The following SLC41A2 variants were observed in gnomAD, a reference collection of about 807,000 sequenced individuals.
SLC41A2 encodes the protein solute carrier family 41 member 2, also known as SLC41A1-like 1.
In SLC41A2, 32 loss-of-function variants were observed where a neutral mutation model predicts 58.3. That is an observed-to-expected ratio of 0.55 (90% CI 0.41 to 0.74). SLC41A2 has a LOEUF of 0.74. Ranked by LOEUF, SLC41A2 falls within the 30% of genes least tolerant of loss-of-function variation. The probability of loss-of-function intolerance (pLI) is 0.00; values close to 1 mark genes in which losing one functional copy is unlikely to be tolerated. For missense variants in SLC41A2, 514 were observed against 680.6 expected (o/e 0.76, Z 2.72); for synonymous variants, 190 against 235.0 (o/e 0.81, Z 1.75).
At chr12:104,932,550 G>C (rs1346015625) in intron 1 of SLC41A2, among the ~76,000 whole-genome samples, 3 of 150,284 alleles carry the variant, frequency 2.0e-5, no homozygotes, top group African/African-American at 7.4e-5. Flanking sequence ...ACTGGAGCCT[G>C]GGAGGTCAAG....
rs1593128936 is a variant in SLC41A2, at chr12:104,913,496, C to A, written c.556-3734G>T. ...CCAGTGATCACAGAGTGGTTCTGGC[C>A]AGTCTACATGGGACTCATGAAGGGG... On this transcript the variant is annotated intron_variant, in intron 2 of 10. Coordinates refer to ENST00000258538, the MANE Select transcript of SLC41A2 (RefSeq NM_001352171.3). Among the ~76,000 whole-genome samples, 4 of 152,308 alleles carry A rather than the reference C, an allele frequency of 2.6e-5. 1 individual carries two copies. The highest frequency in any genetic ancestry group is 2.6e-4 in the Admixed American group (4 of 15,308).
At chr12:104,814,882 T>G (rs906573738) in intron 10 of SLC41A2, among the ~76,000 whole-genome samples, 5 of 152,258 alleles carry the variant, frequency 3.3e-5, no homozygotes, top group African/African-American at 1.2e-4. Context: ...CTCTGATCCC[T>G]CAGTCTTTAA....
chr12:104,933,923 G>C (rs1277818621), intron 1 of SLC41A2, among the ~76,000 whole-genome samples: 1 of 152,016 alleles, frequency 6.6e-6, no homozygotes, highest in Admixed American at 6.6e-5. Flanking sequence ...CTCAGAAAGG[G>C]GGAGGGTGGG....
At chr12:104,849,093 G>A (rs2042710941) in intron 8 of SLC41A2, among the ~76,000 whole-genome samples, 1 of 152,056 alleles carries the variant, frequency 6.6e-6, no homozygotes, top group Admixed American at 6.5e-5. Flanking sequence ...TCGTGCAAAA[G>A]AAAAACATAT....
At chr12:104,935,561 C>T (rs191017118) in intron 1 of SLC41A2, among the ~76,000 whole-genome samples, 44 of 152,098 alleles carry the variant, frequency 2.9e-4, no homozygotes, top group Non-Finnish European at 6.3e-4. Context: ...ACTCAAAAAT[C>T]CTGGATTAAA....
chr12:104,882,123 G>A (rs1158169537), intron 6 of SLC41A2, among the ~76,000 whole-genome samples: 1 of 151,940 alleles, frequency 6.6e-6, no homozygotes, highest in Non-Finnish European at 1.5e-5. Context: ...TTTTATCAGA[G>A]ACTAGGATTG....
chr12:104,921,395 A>G (rs959945796), intron 2 of SLC41A2, among the ~76,000 whole-genome samples: 6 of 152,124 alleles, frequency 3.9e-5, no homozygotes, highest in Non-Finnish European at 7.4e-5. Flanking sequence ...AGAAGAAATA[A>G]CATGTGAAGG....
At chr12:104,847,139 A>G (rs1355994719) in intron 8 of SLC41A2, among the ~76,000 whole-genome samples, 1 of 152,128 alleles carries the variant, frequency 6.6e-6, no homozygotes, top group Admixed American at 6.5e-5. Flanking sequence ...ATATACAAAT[A>G]TATTAAAAGA....
At chr12:104,882,924 G>T (rs962508021) in intron 6 of SLC41A2, among the ~76,000 whole-genome samples, 7 of 152,136 alleles carry the variant, frequency 4.6e-5, no homozygotes, top group African/African-American at 1.7e-4. Flanking sequence ...TTTCCAACTT[G>T]GTTCCATTCT....
At chr12:104,838,989 G>T (rs1232229722) in intron 10 of SLC41A2, among the ~76,000 whole-genome samples, 1 of 152,072 alleles carries the variant, frequency 6.6e-6, no homozygotes, top group African/African-American at 2.4e-5. Flanking sequence ...GAAACATTTT[G>T]TTTCTCCCAT....
intron 3 of SLC41A2, among the ~76,000 whole-genome samples, chr12:104,903,519 G>T (rs953711428): frequency 6.6e-6 from 1 of 152,146 alleles, no homozygotes; most frequent in African/African-American, 2.4e-5. Flanking sequence ...CCACACCACT[G>T]GAGTTTCTAA....
intron 7 of SLC41A2, among the ~76,000 whole-genome samples, chr12:104,864,484 A>G (rs2043339917): frequency 6.6e-6 from 1 of 152,188 alleles, no homozygotes; most frequent in Non-Finnish European, 1.5e-5. Context: ...CTCTGGAAAC[A>G]TTTGGGATTC....
rs571661233 is a variant in SLC41A2, at chr12:104,854,338, C to T, written c.1255+6953G>A. Among the ~76,000 whole-genome samples, 153 of 151,970 alleles carry T rather than the reference C, an allele frequency of 1.0e-3. 1 individual carries two copies. The highest frequency in any genetic ancestry group is 3.3e-3 in the African/African-American group (137 of 41,498). On this transcript the variant is annotated intron_variant, in intron 8 of 10. Transcript: ENST00000258538. The stretch of plus-strand genomic sequence containing the variant: ...CAGCACTTTGGGAGGCCGAGGTGGG[C>T]GGATCACGAGGTCAGGAGATCAAGA...
At chr12:104,910,007 C>T (rs1565894244) in intron 2 of SLC41A2, among the ~76,000 whole-genome samples, 1 of 152,136 alleles carries the variant, frequency 6.6e-6, no homozygotes, top group Non-Finnish European at 1.5e-5. Flanking sequence ...ACCCATTCTA[C>T]ATCTACTTGT....
chr12:104,901,886 T>C (rs1434264082), intron 3 of SLC41A2, among the ~76,000 whole-genome samples: 1 of 152,222 alleles, frequency 6.6e-6, no homozygotes, highest in Non-Finnish European at 1.5e-5. Flanking sequence ...TATCTTATGA[T>C]ATCTTATGTT....
chr12:104,950,655 T>C (rs1332572445), intron 1 of SLC41A2, among the ~76,000 whole-genome samples: 1 of 152,222 alleles, frequency 6.6e-6, no homozygotes, highest in Non-Finnish European at 1.5e-5. Flanking sequence ...ACAGGAACTG[T>C]GGCTGGCTAA....
In SLC41A2 at chr12:104,827,650, T is replaced by C. The variant is rs2041894070; in HGVS notation, c.1536+16822A>G. On this transcript the variant is annotated intron_variant, in intron 10 of 10. Transcript: ENST00000258538. Reference sequence around the variant, plus strand: ...TTAACCTTATAAAACTTGTTTTTTTTCTCTCATGCCTAGAAGCCATCAAAC... The same window carrying C: ...TTAACCTTATAAAACTTGTTTTTTTCCTCTCATGCCTAGAAGCCATCAAAC... Among the ~76,000 whole-genome samples the C allele has an allele frequency of 2.6e-5, 4 of 152,212 alleles. 1 individual carries two copies. The South Asian group carries it at 8.3e-4, about 32-fold the overall frequency.
At chr12:104,839,669 A>G (rs1272430731) in intron 10 of SLC41A2, among the ~76,000 whole-genome samples, 1 of 151,736 alleles carries the variant, frequency 6.6e-6, no homozygotes, top group African/African-American at 2.4e-5. Context: ...ACGCCCTGCT[A>G]ATTTTTTGTA....
rs570816555 is a variant in SLC41A2, at chr12:104,949,850, T to C, written c.-168+8238A>G. 1.9e-4 allele frequency among the ~76,000 whole-genome samples: 29 copies of C among 152,294 alleles called. 1 individual carries two copies. The East Asian group carries it at 2.1e-3, about 11-fold the overall frequency. ...CGCCTGCCTCAGCCTCCCAAAGTAC[T>C]GGGATTACAGGTGTGAGCCACTGTG... is the stretch of plus-strand genomic sequence containing the variant. On this transcript the variant is annotated intron_variant, in intron 1 of 10. Coordinates refer to ENST00000258538, the MANE Select transcript of SLC41A2 (RefSeq NM_001352171.3).
Sources: allele counts gnomAD v4.1 joint callset (sites outside exome capture counted in the v4.1 genomes callset), GRCh38; gene constraint gnomAD v4.1.1; transcripts MANE v1.5; gene names NCBI Gene and HGNC (gene_info 2026-07-23, HGNC 2026-07-21).